PDE1A: variants seen among roughly 807,000 people sequenced by gnomAD.
The protein encoded by PDE1A is phosphodiesterase 1A.
A neutral mutation model predicts 61.7 loss-of-function variants in PDE1A; 35 were observed. The observed-to-expected ratio is 0.57, with a 90% CI of 0.43 to 0.75. PDE1A has a LOEUF of 0.75. PDE1A is among the 30% of genes least tolerant of loss of function. PDE1A has a pLI of 0.00. For missense variants in PDE1A, 597 were observed against 630.6 expected (o/e 0.95, Z 0.57); for synonymous variants, 232 against 213.2 (o/e 1.09, Z -0.77).
intron 2 of PDE1A, among the ~76,000 whole-genome samples, chr2:182,249,195 C>T (rs1017910197): frequency 3.3e-5 from 5 of 152,166 alleles, no homozygotes; most frequent in Non-Finnish European, 5.9e-5. Context: ...CTTGGCCACT[C>T]CTTGGTTTGA....
chr2:182,150,539 T>C (rs972617209), intron 13 of PDE1A, among the ~76,000 whole-genome samples: 1 of 152,208 alleles, frequency 6.6e-6, no homozygotes. Flanking sequence ...AACTTGTTTG[T>C]CAGCCAGGAA....
intron 1 of PDE1A, among the ~76,000 whole-genome samples, chr2:182,376,652 G>C (rs898081866): frequency 6.6e-6 from 1 of 152,002 alleles, no homozygotes; most frequent in African/African-American, 2.4e-5. Context: ...CCACATTTTC[G>C]GGTATCTTTT....
chr2:182,353,689 A>C (rs2125117901), intron 1 of PDE1A, among the ~76,000 whole-genome samples: 1 of 152,252 alleles, frequency 6.6e-6, no homozygotes, highest in East Asian at 1.9e-4. Context: ...TAATATAAAA[A>C]CCTATCTGTT....
At chr2:182,627,227 AT>A in the PDE1A span, among the ~76,000 whole-genome samples, 76 of 65,132 alleles carry the variant, frequency 1.2e-3, 6 homozygotes, top group African/African-American at 3.3e-3. Flanking sequence ...TAAATAATAT[AT>A]TATTTATATA....
chr2:182,302,566 T>C (rs1418226941), intron 1 of PDE1A, among the ~76,000 whole-genome samples: 1 of 152,254 alleles, frequency 6.6e-6, no homozygotes, highest in Non-Finnish European at 1.5e-5. Context: ...GTTCTGCCTC[T>C]GTGTTGATGT....
upstream of PDE1A, among the ~76,000 whole-genome samples, chr2:182,527,303 TAAAA>T (rs869281717): frequency 4.9e-3 from 111 of 22,774 alleles, 1 homozygote; most frequent in Middle Eastern, 0.028. Flanking sequence ...CCTTTCTCTA[TAAAA>T]AAAAAAAAAA....
At chr2:182,196,553 C>T (rs1686147538) in intron 10 of PDE1A, among the ~76,000 whole-genome samples, 2 of 151,634 alleles carry the variant, frequency 1.3e-5, no homozygotes. Flanking sequence ...AACAGGAACA[C>T]TTGTATAATA....
At chr2:182,646,713 C>A in the PDE1A span, among the ~76,000 whole-genome samples, 1 of 151,370 alleles carries the variant, frequency 6.6e-6, no homozygotes, top group Non-Finnish European at 1.5e-5. Context: ...TAAGCAAAGT[C>A]ACCCAAAAAG....
intron 1 of PDE1A, among the ~76,000 whole-genome samples, chr2:182,278,257 A>G (rs1006669700): frequency 1.3e-5 from 2 of 152,012 alleles, no homozygotes; most frequent in Non-Finnish European, 2.9e-5. Flanking sequence ...AGCTTACACA[A>G]TTGAGTTGAG....
the PDE1A span, among the ~76,000 whole-genome samples, chr2:182,628,826 G>A: frequency 2.6e-5 from 4 of 152,118 alleles, no homozygotes; most frequent in African/African-American, 9.7e-5. Flanking sequence ...GACCCCCCCA[G>A]TGATCCATGT....
chr2:182,628,536 C>T, the PDE1A span, among the ~76,000 whole-genome samples: 1 of 152,006 alleles, frequency 6.6e-6, no homozygotes, highest in Non-Finnish European at 1.5e-5. Flanking sequence ...CCCAAGAGGA[C>T]ATTCATTATG....
chr2:182,601,745 C>T, the PDE1A span, among the ~76,000 whole-genome samples: 1 of 152,190 alleles, frequency 6.6e-6, no homozygotes, highest in Non-Finnish European at 1.5e-5. Context: ...TCTCTGCTGG[C>T]AGCCCATGCC....
rs148666097 is a variant in PDE1A at position 182,400,679 on chromosome 2, C to T, written c.53+25899G>A. Among the ~76,000 whole-genome samples, 717 of 152,100 alleles carry T rather than the reference C, an allele frequency of 4.7e-3. 9 individuals are homozygous for T. Among genetic ancestry groups the T allele is most frequent in the African/African-American group, 0.016 (668 of 41,486 alleles). On this transcript the variant is annotated intron_variant, in intron 1 of 13. Transcript: ENST00000351439. ...ACTCTCTAAAGGCATGAAGAGAAAG[C>T]GGAATGATGTCTTTTGAGTTTAATA...
the PDE1A span, among the ~76,000 whole-genome samples, chr2:182,560,026 T>C: frequency 1.3e-5 from 2 of 151,662 alleles, no homozygotes; most frequent in African/African-American, 4.8e-5. Flanking sequence ...ACACATTTTC[T>C]TGGTGGCAGA....
chr2:182,408,970 G>A (rs1333188708), intron 1 of PDE1A, among the ~76,000 whole-genome samples: 1 of 152,098 alleles, frequency 6.6e-6, no homozygotes, highest in Non-Finnish European at 1.5e-5. Context: ...GGCTGAGCAG[G>A]GACTCAGTCA....
At chr2:182,268,206 G>A (rs1396989919) in intron 1 of PDE1A, among the ~76,000 whole-genome samples, 1 of 151,968 alleles carries the variant, frequency 6.6e-6, no homozygotes, top group Non-Finnish European at 1.5e-5. Context: ...GAAAATTGTG[G>A]ATGAGGACGG....
chr2:182,612,251 C>T, the PDE1A span, among the ~76,000 whole-genome samples: 1 of 152,058 alleles, frequency 6.6e-6, no homozygotes, highest in African/African-American at 2.4e-5. Flanking sequence ...GTTGCTTAGA[C>T]AAAGATATCA....
At chr2:182,324,479 C>A (rs1199098672) in intron 1 of PDE1A, among the ~76,000 whole-genome samples, 1 of 151,936 alleles carries the variant, frequency 6.6e-6, no homozygotes, top group Non-Finnish European at 1.5e-5. Context: ...TCATAATTAC[C>A]TGTATATGAG....
At chr2:182,592,255 G>T in the PDE1A span, among the ~76,000 whole-genome samples, 1 of 152,146 alleles carries the variant, frequency 6.6e-6, no homozygotes, top group African/African-American at 2.4e-5. Flanking sequence ...TAATCCTACT[G>T]CCAGAACAAC....
Sources: gnomAD v4.1 joint callset for allele counts (sites outside exome capture counted in the v4.1 genomes callset) on GRCh38, gnomAD v4.1.1 for gene constraint, MANE v1.5 for transcripts, NCBI Gene and HGNC (gene_info 2026-07-23, HGNC 2026-07-21) for gene names.